The following GTF2IRD1 variants were observed in gnomAD, a reference collection of about 807,000 sequenced individuals.
GTF2IRD1 encodes the protein general transcription factor II-I repeat domain-containing protein 1.
GTF2IRD1 carries 26 observed loss-of-function variants against 113.2 expected under a neutral mutation model. That is an observed-to-expected ratio of 0.23 (90% confidence interval 0.17 to 0.32). GTF2IRD1 has a LOEUF of 0.32. Among genes scored for constraint, GTF2IRD1 ranks in the 10% least tolerant of loss-of-function variants. The pLI is 1.00. For missense variants in GTF2IRD1, 864 were observed against 1,280.8 expected, an observed-to-expected ratio of 0.67 and a Z score of 4.97; for synonymous variants, 484 against 529.1, an observed-to-expected ratio of 0.91 and a Z score of 1.17.
At chr7:74,566,208 C>T (rs782103699) in intron 22 of GTF2IRD1, among the ~76,000 whole-genome samples, 1 of 152,142 alleles carries the variant, frequency 6.6e-6, no homozygotes, top group Non-Finnish European at 1.5e-5. Context: ...ACACATTTAA[C>T]CTTAAAACAT....
At chr7:74,594,851 CTGAGACAGGAGAATGGCGTGA>C (rs1802310279) in intron 24 of GTF2IRD1, among the ~76,000 whole-genome samples, 142 bp from the exon 25 acceptor site, 1 of 151,912 alleles carries the variant, frequency 6.6e-6, no homozygotes, top group Non-Finnish European at 1.5e-5. Context: ...ACTCGGGAGG[CTGAGACAGGAGAATGGCGTGA>C]ACCCAGGAGG....
chr7:74,563,572 C>T (rs1382488204), intron 22 of GTF2IRD1, among the ~76,000 whole-genome samples: 3 of 143,444 alleles, frequency 2.1e-5, no homozygotes, highest in Non-Finnish European at 4.6e-5. Flanking sequence ...AGTGAAACTC[C>T]GTCTCAGAAA....
intron 1 of GTF2IRD1, among the ~76,000 whole-genome samples, chr7:74,471,250 A>G (rs1285015893): frequency 6.6e-6 from 1 of 152,176 alleles, no homozygotes; most frequent in Admixed American, 6.6e-5. Context: ...GTGAAAACTC[A>G]TAGAAATATG....
chr7:74,554,715 T>C (rs1799498088), intron 17 of GTF2IRD1, among the ~76,000 whole-genome samples: 1 of 152,140 alleles, frequency 6.6e-6, no homozygotes, highest in Non-Finnish European at 1.5e-5. Flanking sequence ...ATTTTTGTAT[T>C]TTTAGTAGAG....
intron 15 of GTF2IRD1, among the ~76,000 whole-genome samples, chr7:74,545,527 C>T (rs1798870503): frequency 6.6e-6 from 1 of 152,152 alleles, no homozygotes; most frequent in Admixed American, 6.5e-5. Context: ...GCTGGCGGTG[C>T]CCTAGATTTG....
intron 1 of GTF2IRD1, among the ~76,000 whole-genome samples, chr7:74,463,721 G>T (rs1793529727): frequency 1.3e-5 from 2 of 149,598 alleles, no homozygotes; most frequent in African/African-American, 4.9e-5. Flanking sequence ...GACCACTGTT[G>T]TTTTTTGTTT....
At chr7:74,503,003 C>T (rs1428216231) in intron 1 of GTF2IRD1, among the ~76,000 whole-genome samples, 2 of 152,062 alleles carry the variant, frequency 1.3e-5, no homozygotes, top group Non-Finnish European at 2.9e-5. Flanking sequence ...CCTGTCTCTA[C>T]TAATAATACA....
chr7:74,567,111 CA>C (rs1800368355), intron 22 of GTF2IRD1, among the ~76,000 whole-genome samples: 1 of 152,066 alleles, frequency 6.6e-6, no homozygotes, highest in Non-Finnish European at 1.5e-5. Flanking sequence ...AGGCGGATCA[CA>C]AGGTCAGGAG....
chr7:74,484,457 T>C (rs1488273331), intron 1 of GTF2IRD1, among the ~76,000 whole-genome samples: 1 of 149,406 alleles, frequency 6.7e-6, no homozygotes, highest in Non-Finnish European at 1.5e-5. Context: ...ATCCTTCTTT[T>C]TTTTTTTTTT....
rs1554343430 is a variant in GTF2IRD1, at chr7:74,512,898, G to T, written c.192G>T (p.Val64=). 1.2e-6 allele frequency: 2 copies of T among 1,614,128 alleles called. No individual in the cohort carries two copies. Residue 64 remains valine (V), a synonymous_variant, in exon 3 of 27, where the codon GTG becomes GTT. Transcript: ENST00000424337. This position sits in a 1 kb window ranked among gnomAD's most constrained non-coding sequence, Gnocchi z 4.4. ...CCGTGCACGATGAGAGCGCCTTTGT[G>T]GTGGGCACAGAGAAGGGGAGAATGT... The part of the protein sequence containing the change: ...CVAVHDESAF[V]VGTEKGRMFL...
At chr7:74,471,765 G>A (rs921126504) in intron 1 of GTF2IRD1, among the ~76,000 whole-genome samples, 6 of 151,442 alleles carry the variant, frequency 4.0e-5, no homozygotes, top group Non-Finnish European at 8.8e-5. Flanking sequence ...AGGCCAAGGC[G>A]GGCAGATCAT....
At chr7:74,586,871 A>G (rs1801744745) in intron 22 of GTF2IRD1, among the ~76,000 whole-genome samples, 1 of 152,232 alleles carries the variant, frequency 6.6e-6, no homozygotes, top group South Asian at 2.1e-4. Context: ...AGAGCCAGAC[A>G]CAGTGGCTCA....
rs960521788 is a variant in GTF2IRD1 at position 74,505,573 on chromosome 7, C to T, written c.-6-2502C>T. Among the ~76,000 whole-genome samples, 16 of 152,358 alleles carry T rather than the reference C, an allele frequency of 1.1e-4. 1 individual carries two copies. Among genetic ancestry groups the T allele is most frequent in the East Asian group, 3.9e-4 (2 of 5,184 alleles). On this transcript the variant is annotated intron_variant, in intron 1 of 26. Transcript: ENST00000424337. Reference sequence around the variant, plus strand: ...AGAGCCTTTACCGGAAGGAGCCGGCCGCTGTCTGGGGCAGCCGGGGGGCCA... The same window carrying T: ...AGAGCCTTTACCGGAAGGAGCCGGCTGCTGTCTGGGGCAGCCGGGGGGCCA...
rs1799515033 is a variant in GTF2IRD1, at chr7:74,555,061, T to C, written c.1917-113T>C. On this transcript the variant is annotated intron_variant, in intron 17 of 26. Coordinates refer to ENST00000424337, the MANE Select transcript of GTF2IRD1 (RefSeq NM_005685.4). This position sits in a 1 kb window ranked among gnomAD's most constrained non-coding sequence, Gnocchi z 5.3. ...AGGGACTCCAGGCCTGAACTATGCATAGCCAGAAGGGTCCATTGCAGGGCT... is the reference window on the plus strand; with the variant it reads ...AGGGACTCCAGGCCTGAACTATGCACAGCCAGAAGGGTCCATTGCAGGGCT... 1.1e-6 allele frequency: 1 copy of C among 944,756 alleles called. No homozygotes were observed. The highest frequency in any genetic ancestry group is 1.6e-6 in the Non-Finnish European group (1 of 615,820). The allele number at this position is 944,756 out of a possible 1,614,324, so 58.5% of individuals were successfully genotyped here. A position where few individuals can be genotyped will look rare whatever the true frequency, so the allele number is the denominator to read the frequency against.
intron 15 of GTF2IRD1, 129 bp downstream of exon 15, chr7:74,544,931 G>A (rs1351730162): frequency 1.5e-5 from 10 of 679,146 alleles, no homozygotes; most frequent in Middle Eastern, 2.6e-4. Context: ...GCACCCTGGT[G>A]TGGGGGTGGG....
At chr7:74,455,879 C>T (rs959953072) in intron 1 of GTF2IRD1, among the ~76,000 whole-genome samples, 22 of 152,154 alleles carry the variant, frequency 1.4e-4, no homozygotes, top group African/African-American at 5.1e-4. Flanking sequence ...GTTGAAACTC[C>T]GCAGCCACTC....
chr7:74,581,266 C>G (rs1450562411), intron 22 of GTF2IRD1, among the ~76,000 whole-genome samples: 1 of 152,226 alleles, frequency 6.6e-6, no homozygotes, highest in Non-Finnish European at 1.5e-5. Flanking sequence ...AGCTGATCCA[C>G]CCACATTGGC....
rs1330498372 is a variant in GTF2IRD1 at position 74,454,005 on chromosome 7, CCCCTCCCCGCGCCT to C, written c.-167_-154del. On this transcript the variant is annotated 5_prime_UTR_variant, in exon 1 of 27. Transcript: ENST00000424337. Reference sequence around the variant, plus strand: ...CGGCCGGCCGATTCCCCCCCCGCGCCCCCTCCCCGCGCCTCCCTCCCCGCCCTCGCCGCGCCGCC... The same window carrying C: ...CGGCCGGCCGATTCCCCCCCCGCGCCCCCTCCCCGCCCTCGCCGCGCCGCC... 1.3e-5 allele frequency: 2 copies of C among 149,210 alleles called. No homozygotes were observed. The highest frequency in any genetic ancestry group is 6.7e-5 in the Admixed American group (1 of 14,982). The allele number at this position is 149,210 out of a possible 1,614,324, so 9.2% of individuals were successfully genotyped here.
At chr7:74,491,392 TG>T (rs1795335769) in intron 1 of GTF2IRD1, among the ~76,000 whole-genome samples, 1 of 147,744 alleles carries the variant, frequency 6.8e-6, no homozygotes, top group Non-Finnish European at 1.5e-5. Context: ...ACTTGTGTCA[TG>T]GGGGTTTGTT....
Sources: allele counts gnomAD v4.1 joint callset (sites outside exome capture counted in the v4.1 genomes callset), GRCh38; gene constraint gnomAD v4.1.1; non-coding constraint Gnocchi (gnomAD v3.1); transcripts MANE v1.5; gene names NCBI Gene and HGNC (gene_info 2026-07-23, HGNC 2026-07-21).